UNC5D: variants seen among roughly 807,000 people sequenced by gnomAD.
The protein encoded by UNC5D is unc-5 netrin receptor D.
UNC5D carries 39 observed loss-of-function variants against 105.4 expected under a neutral mutation model. The ratio of observed to expected loss-of-function variants is 0.37; its 90% CI spans 0.29 to 0.48. The LOEUF (loss-of-function observed/expected upper bound fraction) is 0.48, where lower values mean the gene tolerates loss of function less well. UNC5D is among the 20% of genes least tolerant of loss of function. The pLI is 0.98. For synonymous variants in UNC5D, 452 were observed against 450.4 expected, an observed-to-expected ratio of 1.00 and a Z score of -0.04; for missense variants, 991 against 1,202.4, an observed-to-expected ratio of 0.82 and a Z score of 2.60.
intron 4 of UNC5D, among the ~76,000 whole-genome samples, chr8:35,651,381 A>G (rs1055460105): frequency 1.3e-5 from 2 of 152,226 alleles, no homozygotes; most frequent in Non-Finnish European, 2.9e-5. Flanking sequence ...GAGTAAATGA[A>G]TAAAAAGAGA....
At chr8:35,452,981 C>CA (rs1563432974) in intron 1 of UNC5D, among the ~76,000 whole-genome samples, 3 of 151,912 alleles carry the variant, frequency 2.0e-5, no homozygotes, top group South Asian at 4.2e-4. Flanking sequence ...GTCTAGAGTC[C>CA]AAAAAAAGTT....
chr8:35,729,257 T>G (rs1488126808), intron 10 of UNC5D, among the ~76,000 whole-genome samples: 1 of 152,230 alleles, frequency 6.6e-6, no homozygotes, highest in East Asian at 1.9e-4. Flanking sequence ...CTCACACATC[T>G]TTCTTCTGTT....
intron 1 of UNC5D, among the ~76,000 whole-genome samples, chr8:35,299,267 G>A (rs528551797): frequency 4.9e-4 from 74 of 152,274 alleles, no homozygotes; most frequent in African/African-American, 1.7e-3. Context: ...AACTGGCAAC[G>A]TTGGAAACTG....
At chr8:35,484,328 G>T (rs1810689083) in intron 1 of UNC5D, among the ~76,000 whole-genome samples, 1 of 152,178 alleles carries the variant, frequency 6.6e-6, no homozygotes. Context: ...ACTGGGGCCA[G>T]CTGGGCAGCT....
At chr8:35,753,504 C>T (rs1003940267) in intron 13 of UNC5D, among the ~76,000 whole-genome samples, 2 of 152,192 alleles carry the variant, frequency 1.3e-5, no homozygotes, top group East Asian at 1.9e-4. Flanking sequence ...CCGCCCACCT[C>T]AGCCTCCCAA....
At chr8:35,433,851 A>G (rs1342980015) in intron 1 of UNC5D, among the ~76,000 whole-genome samples, 1 of 151,092 alleles carries the variant, frequency 6.6e-6, no homozygotes, top group Non-Finnish European at 1.5e-5. Context: ...CTGTCTCAAA[A>G]AAAAAAAAAA....
At chr8:35,567,794 G>A (rs1817457197) in intron 2 of UNC5D, among the ~76,000 whole-genome samples, 1 of 152,142 alleles carries the variant, frequency 6.6e-6, no homozygotes, top group Admixed American at 6.5e-5. Context: ...TCAACATTGT[G>A]TAAAATCTAT....
At chr8:35,270,938 TA>T (rs34948296) in intron 1 of UNC5D, among the ~76,000 whole-genome samples, 1 of 151,886 alleles carries the variant, frequency 6.6e-6, no homozygotes. Flanking sequence ...TATATATATA[TA>T]TTATGGATAT....
intron 1 of UNC5D, among the ~76,000 whole-genome samples, chr8:35,278,436 A>G (rs908631800): frequency 6.6e-6 from 1 of 152,142 alleles, no homozygotes; most frequent in South Asian, 2.1e-4. Flanking sequence ...GTTGTGAAAA[A>G]TATAAGCAGA....
chr8:35,479,544 C>T (rs1399823742), intron 1 of UNC5D, among the ~76,000 whole-genome samples: 4 of 152,066 alleles, frequency 2.6e-5, no homozygotes, highest in Non-Finnish European at 5.9e-5. Context: ...AACCAAGATG[C>T]CCATCAACAG....
At chr8:35,478,627 C>T (rs931284884) in intron 1 of UNC5D, among the ~76,000 whole-genome samples, 3 of 152,154 alleles carry the variant, frequency 2.0e-5, no homozygotes, top group South Asian at 2.1e-4. Flanking sequence ...ATAGCTGTCT[C>T]ATAAGGAGAA....
At chr8:35,525,696 T>C in intron 1 of UNC5D, 6 of 1,604,774 alleles carry the variant, frequency 3.7e-6, no homozygotes, top group South Asian at 3.3e-5. Context: ...CTGCAGCCGC[T>C]GCTCCTGGCA....
chr8:35,289,523 A>G (rs943935957), intron 1 of UNC5D, among the ~76,000 whole-genome samples: 2 of 152,210 alleles, frequency 1.3e-5, no homozygotes, highest in Admixed American at 6.5e-5. Context: ...TGTACAGAAC[A>G]TTCCATCCAA....
rs780090897 is a variant in UNC5D at position 35,336,157 on chromosome 8, C to T, written c.103+100270C>T. ...GAGTTAGTAAATATCTATGTATATACGGAGAGTCAGTGACAGAAGAGGTAA... is the reference window on the plus strand; with the variant it reads ...GAGTTAGTAAATATCTATGTATATATGGAGAGTCAGTGACAGAAGAGGTAA... On this transcript the variant is annotated intron_variant, in intron 1 of 16. Coordinates refer to ENST00000404895, the MANE Select transcript of UNC5D (RefSeq NM_080872.4). Among the ~76,000 whole-genome samples, 41 of 151,968 alleles carry T rather than the reference C, an allele frequency of 2.7e-4. 1 individual carries two copies. Among genetic ancestry groups the T allele is most frequent in the Admixed American group, 1.6e-3 (24 of 15,256 alleles).
Position 35,660,205 on chromosome 8 carries a change from G to A in UNC5D, c.571-23342G>A, listed in dbSNP as rs539452106. 1.4e-4 allele frequency among the ~76,000 whole-genome samples: 21 copies of A among 152,284 alleles called. No individual in the cohort carries two copies. In the South Asian group the frequency reaches 4.1e-3, roughly 30 times the overall value. ...ATGATAGAAATGGAATGATTAAGGA[G>A]CATGGGGAGAACAGAGAAAAGGTGA... On this transcript the variant is annotated intron_variant, in intron 4 of 16. Coordinates refer to ENST00000404895, the MANE Select transcript of UNC5D (RefSeq NM_080872.4).
At chr8:35,788,577 T>C (rs1802858705) in intron 16 of UNC5D, among the ~76,000 whole-genome samples, 1 of 152,100 alleles carries the variant, frequency 6.6e-6, no homozygotes, top group Non-Finnish European at 1.5e-5. Flanking sequence ...GGCTGAAGAA[T>C]GTTGAATAAA....
chr8:35,246,861 C>A (rs190883762), intron 1 of UNC5D, among the ~76,000 whole-genome samples: 1 of 152,028 alleles, frequency 6.6e-6, no homozygotes, highest in Non-Finnish European at 1.5e-5. Context: ...TATGTCATGG[C>A]CCTTTATTGA....
At chr8:35,257,760 T>C (rs1482736284) in intron 1 of UNC5D, among the ~76,000 whole-genome samples, 1 of 152,162 alleles carries the variant, frequency 6.6e-6, no homozygotes, top group Non-Finnish European at 1.5e-5. Flanking sequence ...AATTCATACG[T>C]ATTTAACACA....
intron 11 of UNC5D, among the ~76,000 whole-genome samples, chr8:35,740,602 G>A (rs756880040): frequency 2.0e-5 from 3 of 152,182 alleles, no homozygotes; most frequent in Non-Finnish European, 4.4e-5. Context: ...TCAGGGCCCT[G>A]CTTTCCTTGG....
Sources: gnomAD v4.1 joint callset for allele counts (sites outside exome capture counted in the v4.1 genomes callset) on GRCh38, gnomAD v4.1.1 for gene constraint, MANE v1.5 for transcripts, NCBI Gene and HGNC (gene_info 2026-07-23, HGNC 2026-07-21) for gene names.